Variants in BCO2 observed in about 807,000 individuals in gnomAD.
BCO2 encodes the protein beta-carotene oxygenase 2, also known as carotenoid-cleaving dioxygenase, mitochondrial.
Under a neutral mutation model 65.8 loss-of-function variants are expected in BCO2, and 56 were observed. The ratio of observed to expected loss-of-function variants is 0.85; its 90% CI spans 0.69 to 1.06. The LOEUF (loss-of-function observed/expected upper bound fraction) is 1.06. Ranked by LOEUF, BCO2 falls within the 50% of genes least tolerant of loss-of-function variation. The probability of loss-of-function intolerance (pLI) is 0.00; values close to 1 mark genes in which losing one functional copy is unlikely to be tolerated. For synonymous variants in BCO2, 233 were observed against 242.3 expected (o/e 0.96, Z 0.36); for missense variants, 675 against 698.5 (o/e 0.97, Z 0.38).
intron 8 of BCO2, among the ~76,000 whole-genome samples, chr11:112,204,679 T>A (rs1231655871): frequency 1.3e-5 from 2 of 152,214 alleles, no homozygotes; most frequent in African/African-American, 4.8e-5. Flanking sequence ...GCATTTTATT[T>A]TATTTTTTTT....
Position 112,179,480 on chromosome 11 carries a change from T to C in BCO2, c.291T>C (p.Asp97=). The change falls in exon 2 of 12, where the codon GAT becomes GAC. Residue 97 remains aspartate (D), a splice_region_variant and synonymous_variant. Coordinates refer to ENST00000357685, the MANE Select transcript of BCO2 (RefSeq NM_031938.7). Reference sequence around the variant, plus strand: ...CTGGGAAATTCGAGTTTGGGAAGGATAAGTAAGCCTTGATTTTGGAGAACA... The same window carrying C: ...CTGGGAAATTCGAGTTTGGGAAGGACAAGTAAGCCTTGATTTTGGAGAACA... ...IGPGKFEFGK[D]KYNHWFDGMA... The C allele has an allele frequency of 6.2e-7, 1 of 1,613,580 alleles. No individual in the cohort carries two copies. Among genetic ancestry groups the C allele is most frequent in the Non-Finnish European group, 8.5e-7 (1 of 1,179,596 alleles).
chr11:112,184,489 G>GT (rs1378009158), intron 2 of BCO2, among the ~76,000 whole-genome samples: 1 of 152,004 alleles, frequency 6.6e-6, no homozygotes, highest in East Asian at 1.9e-4. Flanking sequence ...TCCTGACCTC[G>GT]TGATCAGCCT....
intron 11 of BCO2, 97 bp from the exon 12 acceptor site, chr11:112,217,664 A>G (rs1859720773): frequency 5.0e-6 from 4 of 805,896 alleles, no homozygotes; most frequent in Admixed American, 2.3e-5. Flanking sequence ...CCTGACCAAC[A>G]TGGTCTCTCC....
chr11:112,207,778 C>T (rs918522203), intron 8 of BCO2, among the ~76,000 whole-genome samples: 29 of 152,170 alleles, frequency 1.9e-4, no homozygotes, highest in South Asian at 1.0e-3. Flanking sequence ...TCTTCCAGTA[C>T]GTGAACACAA....
At position 112,216,316 on chromosome 11, in the gene BCO2, A is replaced by G; in HGVS notation, c.1612A>G (p.Ile538Val). 6.2e-7 allele frequency: 1 copy of G among 1,613,318 alleles called. No homozygotes were observed. Among genetic ancestry groups the G allele is most frequent in the Non-Finnish European group, 8.5e-7 (1 of 1,179,264 alleles). ...TGGTGGGGTTATTCTTTCTGTGGTG[A>G]TCACTCCCAACCAGGTAAATATATT... ...EDGGVILSVV[I>V]TPNQNESNFI... Residue 538 changes from isoleucine to valine, a missense_variant, in exon 11 of 12, where the codon ATC becomes GTC. Coordinates refer to ENST00000357685, the MANE Select transcript of BCO2 (RefSeq NM_031938.7).
At chr11:112,214,135 C>A (rs1859590310) in intron 9 of BCO2, among the ~76,000 whole-genome samples, 1 of 151,918 alleles carries the variant, frequency 6.6e-6, no homozygotes, top group African/African-American at 2.4e-5. Context: ...GCAATCCCCA[C>A]CTTTTATTTT....
chr11:112,187,039 G>A (rs1254204692), intron 2 of BCO2, among the ~76,000 whole-genome samples: 3 of 152,068 alleles, frequency 2.0e-5, no homozygotes, highest in East Asian at 1.9e-4. Flanking sequence ...GCCACACTTG[G>A]AACTTACTAT....
intron 2 of BCO2, among the ~76,000 whole-genome samples, chr11:112,190,957 CTT>C (rs1294600672): frequency 2.0e-5 from 3 of 148,990 alleles, no homozygotes; most frequent in East Asian, 1.9e-4. Flanking sequence ...ATATATATCT[CTT>C]GGTATATGTA....
chr11:112,180,390 A>AT (rs1867001927), intron 2 of BCO2, among the ~76,000 whole-genome samples: 1 of 152,092 alleles, frequency 6.6e-6, no homozygotes, highest in Non-Finnish European at 1.5e-5. Context: ...AGTGTCTGGT[A>AT]TTTTTTATTT....
At chr11:112,181,074 C>T in intron 2 of BCO2, 1 of 1,494,078 alleles carries the variant, frequency 6.7e-7, no homozygotes, top group Non-Finnish European at 9.3e-7. Context: ...CGGTACTTTA[C>T]AACTACACGG....
intron 4 of BCO2, chr11:112,194,321 T>C (rs532794456): frequency 2.5e-5 from 10 of 406,634 alleles, no homozygotes; most frequent in African/African-American, 2.1e-4. Flanking sequence ...TATACCTGTA[T>C]TTCCTTCACA....
intron 2 of BCO2, among the ~76,000 whole-genome samples, chr11:112,187,637 C>G (rs1867237106): frequency 6.6e-6 from 1 of 152,036 alleles, no homozygotes. Flanking sequence ...ACTCCTTCAG[C>G]TTCCCTCTTC....
At chr11:112,198,121 T>G (rs1359597655) in intron 5 of BCO2, among the ~76,000 whole-genome samples, 1 of 152,212 alleles carries the variant, frequency 6.6e-6, no homozygotes, top group Non-Finnish European at 1.5e-5. Context: ...ATACATTGTA[T>G]TTTTACTTAT....
In BCO2 at chr11:112,218,029, T is replaced by G. The variant is rs536728426; in HGVS notation, c.*155T>G. 150 of 571,840 alleles carry G rather than the reference T, an allele frequency of 2.6e-4. No homozygotes were observed. In the South Asian group the frequency reaches 3.4e-3, roughly 13 times the overall value. The allele number at this position is 571,840 out of a possible 1,614,324, so 35.4% of individuals were successfully genotyped here. ...CCTATTGAATACTATGTTCCCTATT[T>G]GGGTGATGGGTTCGTTAGAAGTCCA... is the stretch of plus-strand genomic sequence containing the variant. On this transcript the variant is annotated 3_prime_UTR_variant, in exon 12 of 12. Transcript: ENST00000357685.
At chr11:112,198,798 G>A (rs1330293432) in intron 5 of BCO2, among the ~76,000 whole-genome samples, 3 of 151,962 alleles carry the variant, frequency 2.0e-5, no homozygotes, top group African/African-American at 7.3e-5. Context: ...GGAGACTGTA[G>A]TTGTTGGAAT....
intron 6 of BCO2, among the ~76,000 whole-genome samples, chr11:112,200,058 T>TA (rs1867687724): frequency 6.6e-6 from 1 of 152,176 alleles, no homozygotes; most frequent in Non-Finnish European, 1.5e-5. Context: ...AAGCAATTAC[T>TA]AAAAAATTAA....
At chr11:112,201,680 G>A (rs1452944614) in intron 7 of BCO2, among the ~76,000 whole-genome samples, 1 of 152,088 alleles carries the variant, frequency 6.6e-6, no homozygotes, top group Non-Finnish European at 1.5e-5. Flanking sequence ...TCAGTATACT[G>A]AGTAGCAATA....
At chr11:112,181,002 C>A in intron 2 of BCO2, 1 of 1,401,686 alleles carries the variant, frequency 7.1e-7, no homozygotes, top group South Asian at 1.2e-5. Flanking sequence ...CAGACAGATT[C>A]TAAGCCTCCT....
At chr11:112,209,914 A>G (rs892472751) in intron 8 of BCO2, among the ~76,000 whole-genome samples, 3 of 151,346 alleles carry the variant, frequency 2.0e-5, no homozygotes, top group African/African-American at 4.9e-5. Context: ...TTGCCCTTTA[A>G]TTTTTTTCTT....
Sources: gnomAD v4.1 joint callset for allele counts (sites outside exome capture counted in the v4.1 genomes callset) on GRCh38, gnomAD v4.1.1 for gene constraint, MANE v1.5 for transcripts, NCBI Gene and HGNC (gene_info 2026-07-23, HGNC 2026-07-21) for gene names.